ZNF610: variants seen among roughly 807,000 people sequenced by gnomAD.
The protein encoded by ZNF610 is zinc finger protein 610, also known as zink finger protein.
ZNF610 carries 14 observed loss-of-function variants against 14.1 expected under a neutral mutation model. The ratio of observed to expected loss-of-function variants is 0.99; its 90% confidence interval spans 0.65 to 1.55. The LOEUF (loss-of-function observed/expected upper bound fraction) is 1.55. ZNF610 is among the 40% of genes most tolerant of loss of function. ZNF610 has a pLI of 0.00. For missense variants in ZNF610, 530 were observed against 558.0 expected (o/e 0.95, Z 0.51); for synonymous variants, 185 against 187.6 (o/e 0.99, Z 0.11).
At chr19:52,345,744 G>T (rs562171486) in intron 1 of ZNF610, among the ~76,000 whole-genome samples, 2 of 150,882 alleles carry the variant, frequency 1.3e-5, no homozygotes, top group Non-Finnish European at 3.0e-5. Context: ...TCGCTCTGTC[G>T]CCCAGGCTGG....
At chr19:52,361,593 T>G (rs889472541) in intron 5 of ZNF610, among the ~76,000 whole-genome samples, 19 of 149,544 alleles carry the variant, frequency 1.3e-4, no homozygotes, top group Non-Finnish European at 2.3e-4. Context: ...GCTAAGGGTT[T>G]GTCAATCTTT....
chr19:52,335,615 G>A (rs998565647), upstream of ZNF610, among the ~76,000 whole-genome samples: 3 of 152,062 alleles, frequency 2.0e-5, no homozygotes, highest in East Asian at 1.9e-4. Flanking sequence ...ATAAAAGCAG[G>A]CAGAAGAACG....
At chr19:52,330,845 A>G in the ZNF610 span, among the ~76,000 whole-genome samples, 1 of 152,354 alleles carries the variant, frequency 6.6e-6, no homozygotes, top group Non-Finnish European at 1.5e-5. Flanking sequence ...GAGACCAAGA[A>G]GGATCTATTA....
chr19:52,336,710 G>C (rs1352070461), intron 1 of ZNF610, among the ~76,000 whole-genome samples: 2 of 152,266 alleles, frequency 1.3e-5, no homozygotes, highest in East Asian at 3.9e-4. Context: ...TGGGACCCTT[G>C]AGACCCCACA....
At chr19:52,352,702 C>T (rs1411061683) in intron 3 of ZNF610, among the ~76,000 whole-genome samples, 1 of 152,042 alleles carries the variant, frequency 6.6e-6, no homozygotes, top group Non-Finnish European at 1.5e-5. Flanking sequence ...GGTCCCTGCT[C>T]AGGCATCCTG....
At chr19:52,357,644 CAAAAAAAAAAAAAA>C (rs71180445) in intron 5 of ZNF610, among the ~76,000 whole-genome samples, 30 of 57,534 alleles carry the variant, frequency 5.2e-4, no homozygotes, top group Admixed American at 3.5e-3. Flanking sequence ...GCCTCCATCT[CAAAAAAAAAAAAAA>C]AAAAAAAAAA....
rs762894506 is a variant in ZNF610 at position 52,367,641 on chromosome 19, T to C, written c.*874T>C. On this transcript the variant is annotated 3_prime_UTR_variant, in exon 6 of 6. Transcript: ENST00000403906. Reference sequence around the variant, plus strand: ...TTAAGTAAGTATGATGTTGAGTAATTACACTTAGTACTTGAGTTAGTTTCT... The same window carrying C: ...TTAAGTAAGTATGATGTTGAGTAATCACACTTAGTACTTGAGTTAGTTTCT... 4 of 152,164 alleles carry C rather than the reference T, an allele frequency of 2.6e-5. No individual in the cohort carries two copies. The highest frequency in any genetic ancestry group is 5.9e-5 in the Non-Finnish European group (4 of 68,042). The allele number at this position is 152,164 out of a possible 1,614,324, so 9.4% of individuals were successfully genotyped here. A position where few individuals can be genotyped will look rare whatever the true frequency, so the allele number is the denominator to read the frequency against.
At chr19:52,340,245 G>A (rs923447604) in intron 1 of ZNF610, among the ~76,000 whole-genome samples, 8 of 152,100 alleles carry the variant, frequency 5.3e-5, no homozygotes, top group Admixed American at 3.9e-4. Context: ...TTAGCTGGGC[G>A]TAGTGGCTTG....
At chr19:52,358,713 A>G (rs1985645836) in intron 5 of ZNF610, among the ~76,000 whole-genome samples, 1 of 152,158 alleles carries the variant, frequency 6.6e-6, no homozygotes, top group African/African-American at 2.4e-5. Context: ...TGTTCTATCC[A>G]GGGAAGCATT....
At chr19:52,333,337 G>T (rs1443677926), upstream of ZNF610, among the ~76,000 whole-genome samples, 1 of 152,210 alleles carries the variant, frequency 6.6e-6, no homozygotes, top group Non-Finnish European at 1.5e-5. Context: ...AGCCGACAAG[G>T]CCTGCCCAGG....
At chr19:52,339,572 G>C (rs1439518242) in intron 1 of ZNF610, among the ~76,000 whole-genome samples, 1 of 146,640 alleles carries the variant, frequency 6.8e-6, no homozygotes, top group Non-Finnish European at 1.5e-5. Context: ...AGTCAACACA[G>C]CACGTGTTTC....
Position 52,367,088 on chromosome 19 carries a change from C to A in ZNF610, c.*321C>A. 1 of 288,256 alleles carries A rather than the reference C, an allele frequency of 3.5e-6. No individual in the cohort carries two copies. The highest frequency in any genetic ancestry group is 6.3e-6 in the Non-Finnish European group (1 of 157,592). 17.9% of individuals were successfully genotyped at this position (288,256 alleles called of 1,614,324 possible). On this transcript the variant is annotated 3_prime_UTR_variant, in exon 6 of 6. Coordinates refer to ENST00000403906, the MANE Select transcript of ZNF610 (RefSeq NM_001161425.2). ...TTTGATTTAGAATGTACATACTTCTCATGTTTTAAGTAATAAAGTTTAAAG... is the reference window on the plus strand; with the variant it reads ...TTTGATTTAGAATGTACATACTTCTAATGTTTTAAGTAATAAAGTTTAAAG...
chr19:52,336,282 C>T lies in ZNF610; in HGVS notation c.-482C>T, dbSNP rs1362819865. ...GGATCGCGTGGGTAGAAGGTCACAC[C>T]GCAGCGCGTCAGTTTCCCTTTGTTT... On this transcript the variant is annotated 5_prime_UTR_variant, in exon 1 of 6. Transcript: ENST00000403906. The T allele has an allele frequency of 3.6e-6, 1 of 276,464 alleles. No homozygotes were observed. Among genetic ancestry groups the T allele is most frequent in the South Asian group, 3.4e-5 (1 of 29,504 alleles). 17.1% of individuals were successfully genotyped at this position (276,464 alleles called of 1,614,324 possible).
rs765248903 is a variant in ZNF610 at position 52,365,846 on chromosome 19, CCA to C, written c.469_470del (p.His157SerfsTer13). The C allele has an allele frequency of 2.5e-6, 4 of 1,614,108 alleles. No individual in the cohort carries two copies. The Admixed American group carries it at 6.7e-5, about 27-fold the overall frequency. On this transcript the variant is annotated frameshift_variant, in exon 6 of 6. Transcript: ENST00000403906. LOFTEE classifies it low-confidence loss of function (END_TRUNC). Reference sequence around the variant, plus strand: ...GTAATCAAGTTGAAAAGTTTACAAACCATCGTTCCTCAGTTTCACCACTTCAA... The same window carrying C: ...GTAATCAAGTTGAAAAGTTTACAAACTCGTTCCTCAGTTTCACCACTTCAA... ...RSNQVEKFTN[H>X]RSSVSPLQKI...
intron 2 of ZNF610, among the ~76,000 whole-genome samples, chr19:52,348,528 T>A (rs1402205986): frequency 6.6e-6 from 1 of 152,240 alleles, no homozygotes; most frequent in East Asian, 1.9e-4. Context: ...GTCTTCTTTT[T>A]GATCTGCTCC....
chr19:52,358,124 G>T (rs1985616876), intron 5 of ZNF610, among the ~76,000 whole-genome samples: 1 of 152,060 alleles, frequency 6.6e-6, no homozygotes, highest in African/African-American at 2.4e-5. Context: ...TGTCTTTCAG[G>T]TTCATCCATT....
intron 5 of ZNF610, among the ~76,000 whole-genome samples, chr19:52,355,898 C>T (rs1006663034): frequency 6.6e-6 from 1 of 152,244 alleles, no homozygotes; most frequent in Non-Finnish European, 1.5e-5. Flanking sequence ...CATTTGGAAC[C>T]TCTTGTGACC....
In ZNF610 at chr19:52,365,957, G is replaced by A. The variant is rs893747937; in HGVS notation, c.579G>A (p.Glu193=). Residue 193 remains glutamate (E), a synonymous_variant, in exon 6 of 6, where the codon GAG becomes GAA. Transcript: ENST00000403906. ...LIDFPLLPQE[E]KAYIRGKSYE... ...ATTTCCCATTACTCCCACAAGAAGA[G>A]AAAGCATACATTAGAGGAAAATCTT... The A allele has an allele frequency of 1.1e-5, 18 of 1,613,932 alleles. No homozygotes were observed. Among genetic ancestry groups the A allele is most frequent in the Non-Finnish European group, 1.3e-5 (15 of 1,179,976 alleles).
intron 5 of ZNF610, among the ~76,000 whole-genome samples, chr19:52,362,709 C>T (rs1469642676): frequency 6.6e-6 from 1 of 152,108 alleles, no homozygotes; most frequent in East Asian, 1.9e-4. Flanking sequence ...TTCATTTGGA[C>T]ATATCTGTGG....
Sources: gnomAD v4.1 joint callset for allele counts (sites outside exome capture counted in the v4.1 genomes callset) on GRCh38, gnomAD v4.1.1 for gene constraint, MANE v1.5 for transcripts, NCBI Gene and HGNC (gene_info 2026-07-23, HGNC 2026-07-21) for gene names.